The following CSMD1 variants were observed in gnomAD, a reference collection of about 807,000 sequenced individuals.
The protein encoded by CSMD1 is CUB and sushi domain-containing protein 1.
CSMD1 carries 213 observed loss-of-function variants against 417.5 expected under a neutral mutation model. The ratio of observed to expected loss-of-function variants is 0.51; its 90% CI spans 0.46 to 0.57. The LOEUF (loss-of-function observed/expected upper bound fraction) is 0.57. Ranked by LOEUF, CSMD1 falls within the 20% of genes least tolerant of loss-of-function variation. The probability of loss-of-function intolerance (pLI) is 0.00; values close to 1 mark genes in which losing one functional copy is unlikely to be tolerated. For missense variants in CSMD1, 6,923 were observed against 4,529.7 expected (o/e 1.53, Z -15.17); for synonymous variants, 2,862 against 1,736.8 (o/e 1.65, Z -16.11).
intron 1 of CSMD1, among the ~76,000 whole-genome samples, chr8:4,944,398 G>C (rs555801747): frequency 6.6e-6 from 1 of 152,220 alleles, no homozygotes; most frequent in African/African-American, 2.4e-5. Flanking sequence ...CTATTCAGAT[G>C]GTTGTAGGAA....
chr8:4,425,727 G>C (rs546698025), intron 2 of CSMD1, among the ~76,000 whole-genome samples: 2 of 152,212 alleles, frequency 1.3e-5, no homozygotes, highest in South Asian at 2.1e-4. Context: ...GAAACATTTT[G>C]AAGTAAAATG....
At chr8:3,072,813 G>A (rs1371168999) in intron 49 of CSMD1, among the ~76,000 whole-genome samples, 1 of 152,096 alleles carries the variant, frequency 6.6e-6, no homozygotes, top group African/African-American at 2.4e-5. Flanking sequence ...AATACTGGTC[G>A]ATGTATATAT....
chr8:4,431,328 G>A (rs1458549128), intron 2 of CSMD1, among the ~76,000 whole-genome samples: 1 of 152,040 alleles, frequency 6.6e-6, no homozygotes, highest in African/African-American at 2.4e-5. Flanking sequence ...ATTTTCTTAA[G>A]GGTGAACCTA....
At chr8:4,008,738 G>C (rs891897980) in intron 4 of CSMD1, among the ~76,000 whole-genome samples, 1 of 150,716 alleles carries the variant, frequency 6.6e-6, no homozygotes, top group Non-Finnish European at 1.5e-5. Context: ...AGCCTCCTGA[G>C]TAGCTGGGAA....
At chr8:4,539,003 T>A (rs1012594466) in intron 2 of CSMD1, among the ~76,000 whole-genome samples, 3 of 152,210 alleles carry the variant, frequency 2.0e-5, no homozygotes, top group African/African-American at 7.2e-5. Flanking sequence ...ATAAATAAAA[T>A]AACCTACTCC....
At chr8:3,201,190 G>A (rs989554671) in intron 32 of CSMD1, among the ~76,000 whole-genome samples, 7 of 152,248 alleles carry the variant, frequency 4.6e-5, no homozygotes, top group Middle Eastern at 3.4e-3. Context: ...ATGTGAACAC[G>A]TGTACATGTG....
At chr8:4,011,639 G>C (rs914696077) in intron 4 of CSMD1, among the ~76,000 whole-genome samples, 2 of 152,068 alleles carry the variant, frequency 1.3e-5, no homozygotes, top group East Asian at 1.9e-4. Flanking sequence ...CCTCATCCTT[G>C]AATTCTTTTC....
chr8:3,362,822 C>G (rs1297184427), intron 20 of CSMD1, among the ~76,000 whole-genome samples: 2 of 152,166 alleles, frequency 1.3e-5, no homozygotes, highest in Non-Finnish European at 2.9e-5. Flanking sequence ...CAAGTCAGCT[C>G]TAACCTTGCA....
At chr8:3,301,768 T>C in intron 25 of CSMD1, among the ~76,000 whole-genome samples, 1 of 152,092 alleles carries the variant, frequency 6.6e-6, no homozygotes, top group East Asian at 1.9e-4. Context: ...CTTGTCAACG[T>C]ACAGTGAGGG....
intron 1 of CSMD1, among the ~76,000 whole-genome samples, chr8:4,985,373 T>A (rs1050401701): frequency 7.7e-6 from 1 of 129,626 alleles, no homozygotes; most frequent in African/African-American, 3.2e-5. Flanking sequence ...AACTTAAAAG[T>A]TTTTTTTAAA....
At chr8:2,945,026 C>T (rs925207456) in intron 68 of CSMD1, among the ~76,000 whole-genome samples, 3 of 151,980 alleles carry the variant, frequency 2.0e-5, no homozygotes, top group African/African-American at 7.3e-5. Flanking sequence ...TATCACATGC[C>T]TGCAGCTCCT....
intron 1 of CSMD1, among the ~76,000 whole-genome samples, chr8:4,782,746 T>G (rs984118672): frequency 2.6e-5 from 4 of 152,200 alleles, no homozygotes; most frequent in Non-Finnish European, 5.9e-5. Context: ...TACATGAATT[T>G]TGGCTATATT....
At chr8:3,776,515 G>A (rs992396097) in intron 5 of CSMD1, among the ~76,000 whole-genome samples, 2 of 152,034 alleles carry the variant, frequency 1.3e-5, no homozygotes, top group African/African-American at 4.8e-5. Flanking sequence ...AACACCCTGG[G>A]GCCTTGGAAC....
At chr8:4,356,439 T>C (rs542307651) in intron 3 of CSMD1, among the ~76,000 whole-genome samples, 46 of 152,308 alleles carry the variant, frequency 3.0e-4, no homozygotes, top group African/African-American at 1.1e-3. Context: ...AACATGCATG[T>C]ACAAGTATCC....
intron 1 of CSMD1, among the ~76,000 whole-genome samples, chr8:4,698,687 C>T (rs1237568966): frequency 6.6e-6 from 1 of 150,712 alleles, no homozygotes; most frequent in Non-Finnish European, 1.5e-5. Flanking sequence ...AAGCCCTCCT[C>T]CCTCTGTACG....
chr8:3,732,468 T>G (rs1564552), intron 6 of CSMD1, among the ~76,000 whole-genome samples: 3 of 151,836 alleles, frequency 2.0e-5, no homozygotes, highest in African/African-American at 7.3e-5. Flanking sequence ...GTAATTTAAC[T>G]ACAAAAAACA....
At chr8:3,976,152 G>A (rs1209076108) in intron 5 of CSMD1, among the ~76,000 whole-genome samples, 1 of 151,818 alleles carries the variant, frequency 6.6e-6, no homozygotes, top group African/African-American at 2.4e-5. Flanking sequence ...CACCAAGAAT[G>A]CATAACCTAA....
chr8:2,966,530 A>T, intron 58 of CSMD1, 40 bp downstream of exon 58: 1 of 1,570,952 alleles, frequency 6.4e-7, no homozygotes, highest in South Asian at 1.1e-5. Context: ...AGTGAATTTC[A>T]TAGTAACGTC....
At chr8:3,851,728 G>T (rs758413958) in intron 5 of CSMD1, among the ~76,000 whole-genome samples, 1 of 152,174 alleles carries the variant, frequency 6.6e-6, no homozygotes, top group Non-Finnish European at 1.5e-5. Context: ...TTAAAGGAAA[G>T]AGAGAGAACA....
Sources: allele counts gnomAD v4.1 joint callset (sites outside exome capture counted in the v4.1 genomes callset), GRCh38; gene constraint gnomAD v4.1.1; transcripts MANE v1.5; gene names NCBI Gene and HGNC (gene_info 2026-07-23, HGNC 2026-07-21).